RSPO3: variants seen among roughly 807,000 people sequenced by gnomAD.
The protein encoded by RSPO3 is R-spondin 3.
A neutral mutation model predicts 36.5 loss-of-function variants in RSPO3; 17 were observed. The ratio of observed to expected loss-of-function variants is 0.47; its 90% CI spans 0.32 to 0.70. The LOEUF is 0.70. Ranked by LOEUF, RSPO3 falls within the 30% of genes least tolerant of loss-of-function variation. The pLI is 0.04. For missense variants in RSPO3, 294 were observed against 322.5 expected (o/e 0.91, Z 0.68); for synonymous variants, 108 against 107.0 (o/e 1.01, Z -0.06).
chr6:127,172,479 T>C (rs1774959299), intron 4 of RSPO3, among the ~76,000 whole-genome samples: 1 of 151,588 alleles, frequency 6.6e-6, no homozygotes, highest in African/African-American at 2.4e-5. Context: ...TGGGAACCTA[T>C]ACAATGATTA....
chr6:127,173,204 T>A (rs1475674421), intron 4 of RSPO3, among the ~76,000 whole-genome samples: 1 of 151,884 alleles, frequency 6.6e-6, no homozygotes, highest in African/African-American at 2.4e-5. Flanking sequence ...GTTATTCAAA[T>A]AACAAACTTA....
chr6:127,132,127 C>T (rs1397922574), intron 1 of RSPO3, among the ~76,000 whole-genome samples: 1 of 152,156 alleles, frequency 6.6e-6, no homozygotes, highest in Admixed American at 6.5e-5. Context: ...GCCCCCTGAT[C>T]CTGGGAGTAT....
At chr6:127,157,139 G>A (rs940789500) in intron 4 of RSPO3, among the ~76,000 whole-genome samples, 13 of 152,106 alleles carry the variant, frequency 8.5e-5, no homozygotes, top group Non-Finnish European at 1.3e-4. Flanking sequence ...GATTTTAAAA[G>A]TTGGATTTGG....
At chr6:127,141,660 C>A (rs1428870784) in intron 1 of RSPO3, among the ~76,000 whole-genome samples, 1 of 152,178 alleles carries the variant, frequency 6.6e-6, no homozygotes, top group African/African-American at 2.4e-5. Context: ...CTCTGAGACT[C>A]TTAGGAATTC....
intron 3 of RSPO3, among the ~76,000 whole-genome samples, chr6:127,154,125 A>C (rs892698756): frequency 1.3e-5 from 2 of 152,202 alleles, no homozygotes; most frequent in Non-Finnish European, 2.9e-5. Context: ...TTAAATTTCT[A>C]AAACATTTAA....
Position 127,196,060 on chromosome 6 carries a change from C to A in RSPO3, c.*53C>A. 6.9e-7 allele frequency: 1 copy of A among 1,457,654 alleles called. No homozygotes were observed. The allele number at this position is 1,457,654 out of a possible 1,614,324, so 90.3% of individuals were successfully genotyped here. On this transcript the variant is annotated 3_prime_UTR_variant, in exon 5 of 5. Coordinates refer to ENST00000356698, the MANE Select transcript of RSPO3 (RefSeq NM_032784.5). ...ATGATGCTGCTATCTCAACCAGATGCCCAGGACAGGTGCTCTAGCCATTAG... is the reference window on the plus strand; with the variant it reads ...ATGATGCTGCTATCTCAACCAGATGACCAGGACAGGTGCTCTAGCCATTAG...
intron 1 of RSPO3, 86 bp downstream of exon 1, chr6:127,119,375 C>A: frequency 2.1e-6 from 2 of 931,432 alleles, no homozygotes; most frequent in Non-Finnish European, 3.5e-6. Flanking sequence ...CGGCTCCCAA[C>A]TGCAGCGGTC....
chr6:127,194,845 A>G (rs1775481954), intron 4 of RSPO3, among the ~76,000 whole-genome samples: 1 of 152,174 alleles, frequency 6.6e-6, no homozygotes, highest in Non-Finnish European at 1.5e-5. Context: ...AATCCAGTAT[A>G]CATGTGATAA....
intron 1 of RSPO3, 23 bp downstream of exon 1, chr6:127,119,312 G>C: frequency 6.4e-7 from 1 of 1,570,896 alleles, no homozygotes. Context: ...TTTTTTACGC[G>C]TTTGCTCCCT....
chr6:127,192,246 G>T (rs960686783), intron 4 of RSPO3, among the ~76,000 whole-genome samples: 1 of 152,088 alleles, frequency 6.6e-6, no homozygotes, highest in Non-Finnish European at 1.5e-5. Flanking sequence ...ATATCCCCAG[G>T]TTTTATCACA....
chr6:127,180,487 C>CAAAAAAAAAAAAAAAAAAAAAAAAAAAA (rs71543112), intron 4 of RSPO3, among the ~76,000 whole-genome samples: 1 of 42,642 alleles, frequency 2.3e-5, no homozygotes. Context: ...TGGAAGAAAA[C>CAAAAAAAAAAAAAAAAAAAAAAAAAAAA]AAAAAAAAAA....
chr6:127,198,267 G>T lies in RSPO3; in HGVS notation c.*2260G>T, dbSNP rs1472592794. 6.6e-6 allele frequency among the ~76,000 whole-genome samples: 1 copy of T among 151,956 alleles called. No individual in the cohort carries two copies. Among genetic ancestry groups the T allele is most frequent in the Non-Finnish European group, 1.5e-5 (1 of 67,964 alleles). On this transcript the variant is annotated 3_prime_UTR_variant, in exon 5 of 5. Transcript: ENST00000356698. Reference sequence around the variant, plus strand: ...TATATAAAAGTAGAATTATTACAAAGGAAAAAGAAATAAAAACTAACATTC... The same window carrying T: ...TATATAAAAGTAGAATTATTACAAATGAAAAAGAAATAAAAACTAACATTC...
At chr6:127,152,686 T>C (rs916837523) in intron 3 of RSPO3, among the ~76,000 whole-genome samples, 2 of 152,104 alleles carry the variant, frequency 1.3e-5, no homozygotes, top group Admixed American at 1.3e-4. Flanking sequence ...AATGCTACCC[T>C]GATATAGAGC....
chr6:127,188,384 G>A (rs188732380), intron 4 of RSPO3, among the ~76,000 whole-genome samples: 5 of 152,210 alleles, frequency 3.3e-5, no homozygotes, highest in Admixed American at 2.6e-4. Flanking sequence ...AAGGTGAAAT[G>A]ATTTATAATA....
rs1368146810 is a variant in RSPO3, at chr6:127,197,428, G to T, written c.*1421G>T. The T allele has an allele frequency of 6.4e-7, 1 of 1,550,432 alleles. No individual in the cohort carries two copies. The highest frequency in any genetic ancestry group is 8.7e-7 in the Non-Finnish European group (1 of 1,146,942). ...TTTCTATCTGTGGATCTCTTTAGGGGATTGAAGTCACCCTAGCTGAAGGCC... is the reference window on the plus strand; with the variant it reads ...TTTCTATCTGTGGATCTCTTTAGGGTATTGAAGTCACCCTAGCTGAAGGCC... On this transcript the variant is annotated 3_prime_UTR_variant, in exon 5 of 5. Transcript: ENST00000356698.
chr6:127,128,378 A>G (rs1304295786), intron 1 of RSPO3, among the ~76,000 whole-genome samples: 1 of 151,990 alleles, frequency 6.6e-6, no homozygotes, highest in Non-Finnish European at 1.5e-5. Context: ...TCCACCCTTG[A>G]ACAAATAAAA....
intron 4 of RSPO3, among the ~76,000 whole-genome samples, chr6:127,166,096 G>A (rs566909118): frequency 6.6e-6 from 1 of 151,942 alleles, no homozygotes; most frequent in Admixed American, 6.6e-5. Flanking sequence ...TTTATAAAAA[G>A]CATTTGACTT....
chr6:127,177,323 T>A (rs895130997), intron 4 of RSPO3, among the ~76,000 whole-genome samples: 1 of 151,898 alleles, frequency 6.6e-6, no homozygotes, highest in Non-Finnish European at 1.5e-5. Flanking sequence ...CACCAATGTC[T>A]ATTCCATTTC....
chr6:127,162,910 T>C (rs578104318), intron 4 of RSPO3, among the ~76,000 whole-genome samples: 1 of 152,288 alleles, frequency 6.6e-6, no homozygotes, highest in Non-Finnish European at 1.5e-5. Flanking sequence ...TACATGTATT[T>C]TTTCTGTGAC....
Sources: allele counts gnomAD v4.1 joint callset (sites outside exome capture counted in the v4.1 genomes callset), GRCh38; gene constraint gnomAD v4.1.1; transcripts MANE v1.5; gene names NCBI Gene and HGNC (gene_info 2026-07-23, HGNC 2026-07-21).